PSMB9: variants seen among roughly 807,000 people sequenced by gnomAD.
PSMB9 encodes the protein proteasome subunit beta type-9.
In PSMB9, 16 loss-of-function variants were observed where a neutral mutation model predicts 26.9. That is an observed-to-expected ratio of 0.59 (90% CI 0.40 to 0.90). The LOEUF (loss-of-function observed/expected upper bound fraction) is 0.90, where lower values mean the gene tolerates loss of function less well. PSMB9 is among the 40% of genes least tolerant of loss of function. The pLI is 0.00. For missense variants in PSMB9, 253 were observed against 292.2 expected (o/e 0.87, Z 0.98); for synonymous variants, 91 against 112.0 (o/e 0.81, Z 1.18).
chr6:32,859,257 T>A, intron 5 of PSMB9, 148 bp from the exon 6 acceptor site: 2 of 1,049,244 alleles, frequency 1.9e-6, no homozygotes, highest in Non-Finnish European at 2.7e-6. Context: ...AAAAAACTGA[T>A]TTACCAGCAC....
intron 2 of PSMB9, 150 bp downstream of exon 2, chr6:32,856,355 G>T: frequency 1.4e-6 from 1 of 738,200 alleles, no homozygotes; most frequent in Non-Finnish European, 2.2e-6. Context: ...AAGCTATTTG[G>T]TGGGTGCTTG....
chr6:32,858,212 C>T lies in PSMB9; in HGVS notation c.390+78C>T. 6.3e-7 allele frequency: 1 copy of T among 1,599,464 alleles called. No homozygotes were observed. Among genetic ancestry groups the T allele is most frequent in the Non-Finnish European group, 8.5e-7 (1 of 1,171,652 alleles). On this transcript the variant is annotated intron_variant, in intron 4 of 5. Coordinates refer to ENST00000374859, the MANE Select transcript of PSMB9 (RefSeq NM_002800.5). The surrounding 1 kb of genome is among the most constrained non-coding windows in gnomAD (Gnocchi z 5.2). ...AGGAAGATGGAAGTCCTATGTCATT[C>T]TAGCAATGAGTTCCAAGGACACTAC... is the stretch of plus-strand genomic sequence containing the variant.
chr6:32,855,693 C>CAAA (rs28986263), intron 1 of PSMB9, among the ~76,000 whole-genome samples: 1 of 141,854 alleles, frequency 7.0e-6, no homozygotes, highest in Non-Finnish European at 1.6e-5. Context: ...GATTGTGGAC[C>CAAA]AAAAAAAAAA....
At position 32,859,599 on chromosome 6, in the gene PSMB9, T is replaced by C. The variant is rs978894327; in HGVS notation, c.*67T>C. 9.6e-6 allele frequency: 15 copies of C among 1,559,716 alleles called. No individual in the cohort carries two copies. The highest frequency in any genetic ancestry group is 2.3e-5 in the East Asian group (1 of 44,002). On this transcript the variant is annotated 3_prime_UTR_variant, in exon 6 of 6. Transcript: ENST00000374859. ...CTAGGGCCAAAACCTGGTATGGTCATTGGGAAATGAGTGCTCAGGGAGATG... is the reference window on the plus strand; with the variant it reads ...CTAGGGCCAAAACCTGGTATGGTCACTGGGAAATGAGTGCTCAGGGAGATG...
At chr6:32,857,533 C>T in intron 3 of PSMB9, 139 bp downstream of exon 3, 3 of 1,063,028 alleles carry the variant, frequency 2.8e-6, no homozygotes, top group Non-Finnish European at 3.9e-6. Flanking sequence ...GCACTTGAAT[C>T]TGTCAGTTTC....
chr6:32,856,278 C>A, intron 2 of PSMB9, 73 bp downstream of exon 2: 2 of 1,455,844 alleles, frequency 1.4e-6, no homozygotes, highest in Non-Finnish European at 1.9e-6. Context: ...CTTACCCATT[C>A]ATGAAAAGAC....
At position 32,858,053 on chromosome 6, in the gene PSMB9, G is replaced by A; in HGVS notation, c.309G>A (p.Val103=). 8 of 1,613,104 alleles carry A rather than the reference G, an allele frequency of 5.0e-6. No homozygotes were observed. The highest frequency in any genetic ancestry group is 6.8e-6 in the Non-Finnish European group (8 of 1,180,036). Reference sequence around the variant, plus strand: ...TTGTTTTGGCTGCTGCAAATGTGGTGAGAAATATCAGCTATAAATATCGAG... The same window carrying A: ...TTGTTTTGGCTGCTGCAAATGTGGTAAGAAATATCAGCTATAAATATCGAG... The part of the protein sequence containing the change: ...PPLVLAAANV[V]RNISYKYRED... The change falls in exon 4 of 6, where the codon GTG becomes GTA. Residue 103 remains valine, a synonymous_variant. Transcript: ENST00000374859. The surrounding 1 kb of genome is among the most constrained non-coding windows in gnomAD (Gnocchi z 5.2).
At position 32,858,368 on chromosome 6, in the gene PSMB9, A is replaced by T. The variant is rs748855142; in HGVS notation, c.395A>T (p.Tyr132Phe). ...ACCTGAGGATCCCTTTCCCAGGTAT[A>T]TGGAACCCTGGGAGGAATGCTGACT... ...GWDQREGGQVYGTLGGMLTRQ... is the reference protein window; with the variant it reads ...GWDQREGGQVFGTLGGMLTRQ... Residue 132 changes from tyrosine (Y) to phenylalanine (F), a missense_variant, in exon 5 of 6, where the codon TAT (tyrosine) becomes TTT (phenylalanine). Tyr to Phe is a conservative substitution (Grantham distance 22). Coordinates refer to ENST00000374859, the MANE Select transcript of PSMB9 (RefSeq NM_002800.5). The surrounding 1 kb of genome is among the most constrained non-coding windows in gnomAD (Gnocchi z 5.2). 1 of 1,612,922 alleles carries T rather than the reference A, an allele frequency of 6.2e-7. No homozygotes were observed. Among genetic ancestry groups the T allele is most frequent in the Non-Finnish European group, 8.5e-7 (1 of 1,179,940 alleles).
rs752274032 is a variant in PSMB9, at chr6:32,858,569, G to T, written c.532+64G>T. On this transcript the variant is annotated intron_variant, in intron 5 of 5. Transcript: ENST00000374859. This position sits in a 1 kb window ranked among gnomAD's most constrained non-coding sequence, Gnocchi z 5.2. The stretch of plus-strand genomic sequence containing the variant: ...GAAACATGGGAAGGAAGTAGATTAT[G>T]AGGAACAGGAAGAGAAATACAGGGG... The T allele has an allele frequency of 6.2e-7, 1 of 1,606,568 alleles. No homozygotes were observed. Among genetic ancestry groups the T allele is most frequent in the South Asian group, 1.1e-5 (1 of 90,944 alleles).
intron 3 of PSMB9, chr6:32,857,737 A>G: frequency 3.6e-6 from 2 of 556,952 alleles, no homozygotes. Context: ...GGACGGAAGT[A>G]ACCTTATCTG....
At position 32,858,888 on chromosome 6, in the gene PSMB9, AAG is replaced by A; in HGVS notation, c.532+384_532+385del. ...TGTCTCCACAAAAAACAATAAAAAA[AAG>A]TAAAAAAAAAAATGAACTGGGCATA... is the stretch of plus-strand genomic sequence containing the variant. On this transcript the variant is annotated intron_variant, in intron 5 of 5. Transcript: ENST00000374859. The surrounding 1 kb of genome is among the most constrained non-coding windows in gnomAD (Gnocchi z 5.2). 1 of 305,326 alleles carries A rather than the reference AAG, an allele frequency of 3.3e-6. No individual in the cohort carries two copies. The highest frequency in any genetic ancestry group is 5.2e-5 in the Admixed American group (1 of 19,250). 18.9% of individuals were successfully genotyped at this position (305,326 alleles called of 1,614,324 possible). A position where few individuals can be genotyped will look rare whatever the true frequency, so the allele number is the denominator to read the frequency against.
rs1264772714 is a variant in PSMB9 at position 32,854,254 on chromosome 6, G to A, written c.25G>A (p.Gly9Arg). 2.6e-6 allele frequency: 4 copies of A among 1,534,770 alleles called. No homozygotes were observed. Among genetic ancestry groups the A allele is most frequent in the Non-Finnish European group, 3.5e-6 (4 of 1,142,260 alleles). ...GATGCTGCGGGCGGGAGCACCAACCGGGGACTTACCCCGGGCGGGAGAAGT... is the reference window on the plus strand; with the variant it reads ...GATGCTGCGGGCGGGAGCACCAACCAGGGACTTACCCCGGGCGGGAGAAGT... MLRAGAPT[G>R]DLPRAGEVHT... The change falls in exon 1 of 6, where the codon GGG becomes AGG. Residue 9 changes from glycine (G) to arginine (R), a missense_variant. Physicochemically the swap from Gly to Arg is moderately radical, Grantham distance 125 (BLOSUM62 -2). Coordinates refer to ENST00000374859, the MANE Select transcript of PSMB9 (RefSeq NM_002800.5). The surrounding 1 kb of genome is among the most constrained non-coding windows in gnomAD (Gnocchi z 4.6).
chr6:32,857,176 G>C, intron 2 of PSMB9, 87 bp from the exon 3 acceptor site: 1 of 1,443,864 alleles, frequency 6.9e-7, no homozygotes, highest in South Asian at 1.4e-5. Context: ...ACTCCAGCCT[G>C]GGTGACAGAG....
Position 32,858,945 on chromosome 6 carries a change from A to T in PSMB9, c.532+440A>T, listed in dbSNP as rs1311337254. The T allele has an allele frequency of 3.9e-6, 1 of 256,662 alleles. No homozygotes were observed. Among genetic ancestry groups the T allele is most frequent in the Non-Finnish European group, 7.6e-6 (1 of 131,446 alleles). 15.9% of individuals were successfully genotyped at this position (256,662 alleles called of 1,614,324 possible). Reference sequence around the variant, plus strand: ...TGCACACCTGTAGTCCCAGCTACTCAGGAGGCTGAGGTGGAAAGATCATCT... The same window carrying T: ...TGCACACCTGTAGTCCCAGCTACTCTGGAGGCTGAGGTGGAAAGATCATCT... On this transcript the variant is annotated intron_variant, in intron 5 of 5. Coordinates refer to ENST00000374859, the MANE Select transcript of PSMB9 (RefSeq NM_002800.5). The surrounding 1 kb of genome is among the most constrained non-coding windows in gnomAD (Gnocchi z 5.2).
chr6:32,857,218 A>AAAAAAAC (rs1562382752), intron 2 of PSMB9, 45 bp from the exon 3 acceptor site: 5 of 1,426,848 alleles, frequency 3.5e-6, no homozygotes, highest in African/African-American at 1.5e-5. Flanking sequence ...AAAAAAAAAA[A>AAAAAAAC]AAACCTGAGT....
chr6:32,858,155 T>A lies in PSMB9; in HGVS notation c.390+21T>A. The stretch of plus-strand genomic sequence containing the variant: ...GTCAGGTGAGTTTCTCCCAAAGCAC[T>A]CTCTCCTCTGGGCTTCCCCACTCTC... On this transcript the variant is annotated intron_variant, in intron 4 of 5. Transcript: ENST00000374859. The surrounding 1 kb of genome is among the most constrained non-coding windows in gnomAD (Gnocchi z 5.2). 2 of 1,612,790 alleles carry A rather than the reference T, an allele frequency of 1.2e-6. No individual in the cohort carries two copies. The highest frequency in any genetic ancestry group is 1.7e-6 in the Non-Finnish European group (2 of 1,179,834).
In PSMB9 at chr6:32,854,801, C is replaced by T. The variant is rs1443838753; in HGVS notation, c.60+512C>T. Among the ~76,000 whole-genome samples the T allele has an allele frequency of 1.3e-5, 2 of 152,216 alleles. No individual in the cohort carries two copies. Among genetic ancestry groups the T allele is most frequent in the African/African-American group, 4.8e-5 (2 of 41,466 alleles). Reference sequence around the variant, plus strand: ...ACTGATAATGGGCGTTCTGTGTTAACTAGTGATGCCCTTCCCTAGCTTGAC... The same window carrying T: ...ACTGATAATGGGCGTTCTGTGTTAATTAGTGATGCCCTTCCCTAGCTTGAC... On this transcript the variant is annotated intron_variant, in intron 1 of 5. Coordinates refer to ENST00000374859, the MANE Select transcript of PSMB9 (RefSeq NM_002800.5). The surrounding 1 kb of genome is among the most constrained non-coding windows in gnomAD (Gnocchi z 4.6).
Position 32,857,312 on chromosome 6 carries a change from C to A in PSMB9, c.178C>A (p.Arg60Ser), listed in dbSNP as rs145067819. 6.2e-7 allele frequency: 1 copy of A among 1,612,306 alleles called. No homozygotes were observed. Among genetic ancestry groups the A allele is most frequent in the Admixed American group, 1.7e-5 (1 of 59,954 alleles). Residue 60 changes from arginine to serine, a missense_variant, in exon 3 of 6, where the codon CGC (arginine) becomes AGC (serine). Arg to Ser is a moderately radical substitution (Grantham distance 110). Coordinates refer to ENST00000374859, the MANE Select transcript of PSMB9 (RefSeq NM_002800.5). ...TGACAAGCTGTCCCCGCTGCACGAG[C>A]GCATCTACTGTGCACTCTCTGGTTC... The part of the protein sequence containing the change: ...VFDKLSPLHE[R>S]IYCALSGSAA...
Position 32,854,312 on chromosome 6 carries a change from T to A in PSMB9, c.60+23T>A. 6.8e-7 allele frequency: 1 copy of A among 1,462,734 alleles called. No homozygotes were observed. The highest frequency in any genetic ancestry group is 2.7e-5 in the East Asian group (1 of 37,412). 90.6% of individuals were successfully genotyped at this position (1,462,734 alleles called of 1,614,324 possible). A position where few individuals can be genotyped will look rare whatever the true frequency, so the allele number is the denominator to read the frequency against. On this transcript the variant is annotated intron_variant, in intron 1 of 5. Coordinates refer to ENST00000374859, the MANE Select transcript of PSMB9 (RefSeq NM_002800.5). This position sits in a 1 kb window ranked among gnomAD's most constrained non-coding sequence, Gnocchi z 4.6. ...GGGGTAATGGGTCTGGGCTTGAGGGTTGGCAGAGGGGTGGAGGAGATGCAG... is the reference window on the plus strand; with the variant it reads ...GGGGTAATGGGTCTGGGCTTGAGGGATGGCAGAGGGGTGGAGGAGATGCAG...
Sources: allele counts gnomAD v4.1 joint callset (sites outside exome capture counted in the v4.1 genomes callset), GRCh38; gene constraint gnomAD v4.1.1; non-coding constraint Gnocchi (gnomAD v3.1); transcripts MANE v1.5; gene names NCBI Gene and HGNC (gene_info 2026-07-23, HGNC 2026-07-21).